ZNF28: variants seen among roughly 807,000 people sequenced by gnomAD.
ZNF28 encodes the protein zinc finger protein KOX24.
In ZNF28, 5 loss-of-function variants were observed where a neutral mutation model predicts 7.2. That is an observed-to-expected ratio of 0.70 (90% CI 0.36 to 1.46). The LOEUF (loss-of-function observed/expected upper bound fraction) is 1.46. Ranked by LOEUF, ZNF28 falls within the 40% of genes most tolerant of loss-of-function variation. ZNF28 has a pLI of 0.03. For missense variants in ZNF28, 879 were observed against 866.6 expected, an observed-to-expected ratio of 1.01 and a Z score of -0.18; for synonymous variants, 288 against 292.4, an observed-to-expected ratio of 0.99 and a Z score of 0.15.
chr19:52,815,563 G>A (rs1475518984), intron 2 of ZNF28, among the ~76,000 whole-genome samples: 3 of 145,954 alleles, frequency 2.1e-5, no homozygotes, highest in Non-Finnish European at 4.4e-5. Flanking sequence ...GGTGGCTCAC[G>A]CCTGTAATCC....
At chr19:52,810,071 A>T in intron 2 of ZNF28, 1 of 751,102 alleles carries the variant, frequency 1.3e-6, no homozygotes, top group Non-Finnish European at 2.4e-6. Flanking sequence ...GAGCTCCAGG[A>T]CCTGGGCCTC....
chr19:52,813,803 GT>G (rs2063087193), intron 2 of ZNF28, among the ~76,000 whole-genome samples: 1 of 146,568 alleles, frequency 6.8e-6, no homozygotes, highest in Admixed American at 6.8e-5. Context: ...GCACTACCTT[GT>G]TTTGGGGGGT....
chr19:52,808,419 A>T (rs1467379624), intron 2 of ZNF28, among the ~76,000 whole-genome samples: 2 of 152,220 alleles, frequency 1.3e-5, no homozygotes, highest in Non-Finnish European at 2.9e-5. Flanking sequence ...ACACCAAGTG[A>T]CATTCATTAT....
intron 2 of ZNF28, among the ~76,000 whole-genome samples, chr19:52,808,777 C>A (rs1053296250): frequency 2.0e-5 from 3 of 152,066 alleles, no homozygotes; most frequent in African/African-American, 7.2e-5. Flanking sequence ...CCCACCAGGG[C>A]ACTCAAGCCT....
chr19:52,809,490 G>A (rs1173005469), intron 2 of ZNF28, among the ~76,000 whole-genome samples: 5 of 152,166 alleles, frequency 3.3e-5, no homozygotes, highest in Non-Finnish European at 5.9e-5. Context: ...GTGGAGGGTG[G>A]GAGGAAGGAG....
chr19:52,808,948 CAGATTTTCAAAATATAAA>C (rs1392842472), intron 2 of ZNF28, among the ~76,000 whole-genome samples: 3 of 152,022 alleles, frequency 2.0e-5, no homozygotes, highest in African/African-American at 4.8e-5. Context: ...TCATTTGTCC[CAGATTTTCAAAATATAAA>C]AGATTTTCAA....
chr19:52,809,861 TGGGCCTGCGGGC>T, intron 2 of ZNF28: 1 of 649,800 alleles, frequency 1.5e-6, no homozygotes, highest in Non-Finnish European at 2.7e-6. Flanking sequence ...GCAGTAGCAC[TGGGCCTGCGGGC>T]GGTCCGGGAT....
intron 2 of ZNF28, chr19:52,810,734 G>GA (rs886240832): frequency 1.8e-6 from 1 of 557,784 alleles, no homozygotes; most frequent in Non-Finnish European, 3.1e-6. Context: ...GGAGAGAGAG[G>GA]AAAAAAAGAG....
chr19:52,801,079 G>T lies in ZNF28; in HGVS notation c.766C>A (p.Arg256=), dbSNP rs753728045. 7.4e-6 allele frequency: 12 copies of T among 1,614,078 alleles called. No individual in the cohort carries two copies. The highest frequency in any genetic ancestry group is 1.3e-5 in the African/African-American group (1 of 75,016). ...DVYGKVFNQK[R]YLACHRRSHI... ...GATCTACGATGGCATGCAAGGTATC[G>T]CTTCTGATTAAATACCTTGCCATAT... The change falls in exon 4 of 4, where the codon CGA becomes AGA. Residue 256 remains arginine (R), a synonymous_variant. Transcript: ENST00000457749.
At chr19:52,817,816 A>C (rs1225969511) in intron 2 of ZNF28, 128 bp downstream of exon 2, 11 of 1,553,350 alleles carry the variant, frequency 7.1e-6, no homozygotes, top group Non-Finnish European at 8.8e-6. Context: ...GAACTGAAGG[A>C]AGGCATGGGT....
At position 52,818,047 on chromosome 19, in the gene ZNF28, A is replaced by G; in HGVS notation, c.-73-16T>C. On this transcript the variant is annotated splice_polypyrimidine_tract_variant and intron_variant, in intron 1 of 3. Transcript: ENST00000457749. The stretch of plus-strand genomic sequence containing the variant: ...GAAGTCAATCCTGAATGTTAAAAAT[A>G]TGTTGTTTATTGCTCAGAATCAACA... 6.3e-7 allele frequency: 1 copy of G among 1,590,098 alleles called. No homozygotes were observed. Among genetic ancestry groups the G allele is most frequent in the East Asian group, 2.2e-5 (1 of 44,728 alleles).
intron 2 of ZNF28, chr19:52,809,878 C>T (rs538179337): frequency 3.9e-5 from 28 of 725,974 alleles, no homozygotes; most frequent in Admixed American, 1.4e-4. Flanking sequence ...GCGGGCGGTC[C>T]GGGATCCAGG....
Position 52,810,734 on chromosome 19 carries a change from GAA to G in ZNF28, c.16-2603_16-2602del, listed in dbSNP as rs886240832. On this transcript the variant is annotated intron_variant, in intron 2 of 3. Transcript: ENST00000457749. ...AAAAAATGTGTATTAGGAGAGAGAGGAAAAAAAGAGGAAAGAAGGGGAAAAAA... is the reference window on the plus strand; with the variant it reads ...AAAAAATGTGTATTAGGAGAGAGAGGAAAAAGAGGAAAGAAGGGGAAAAAA... 7.2e-6 allele frequency: 4 copies of G among 557,736 alleles called. No homozygotes were observed. In the African/African-American group the frequency reaches 7.2e-5, roughly 10 times the overall value. The allele number at this position is 557,736 out of a possible 1,614,324, so 34.5% of individuals were successfully genotyped here.
chr19:52,811,279 A>G (rs1304985377), intron 2 of ZNF28, among the ~76,000 whole-genome samples: 2 of 151,362 alleles, frequency 1.3e-5, no homozygotes, highest in East Asian at 3.9e-4. Flanking sequence ...TGGCCTCCCA[A>G]AGAGCCGAGA....
rs34599433 is a variant in ZNF28, at chr19:52,798,623, ATCC to A, written c.*1062_*1064del. 0.44 allele frequency: 198,004 copies of A among 448,318 alleles called. 49,187 individuals are homozygous for A. Among genetic ancestry groups the A allele is most frequent in the Non-Finnish European group, 0.55 (122,160 of 220,154 alleles). The allele number at this position is 448,318 out of a possible 1,614,324, so 27.8% of individuals were successfully genotyped here. On this transcript the variant is annotated 3_prime_UTR_variant, in exon 4 of 4. Coordinates refer to ENST00000457749, the MANE Select transcript of ZNF28 (RefSeq NM_006969.5). ...ACTTGTGAGTTTCTCTCCTGTATGAATCCTCCTATGTTTTGCATAGGATGAAAC... is the reference window on the plus strand; with the variant it reads ...ACTTGTGAGTTTCTCTCCTGTATGAATCCTATGTTTTGCATAGGATGAAAC...
intron 3 of ZNF28, among the ~76,000 whole-genome samples, chr19:52,804,595 T>G (rs1037240060): frequency 1.3e-5 from 2 of 152,194 alleles, no homozygotes; most frequent in Non-Finnish European, 2.9e-5. Context: ...TGTCTCAAAC[T>G]CGTGACCTCA....
intron 2 of ZNF28, among the ~76,000 whole-genome samples, chr19:52,815,330 A>C (rs2147677249): frequency 6.9e-6 from 1 of 144,048 alleles, no homozygotes; most frequent in South Asian, 2.4e-4. Context: ...AGCCTGGCCA[A>C]CATGGTGAAA....
chr19:52,819,354 G>C lies in ZNF28; in HGVS notation c.-73-1323C>G, dbSNP rs188199747. On this transcript the variant is annotated intron_variant, in intron 1 of 3. Coordinates refer to ENST00000457749, the MANE Select transcript of ZNF28 (RefSeq NM_006969.5). ...ATACAGACAAAGTCCTCCGAAGATG[G>C]TCTCTCTTTCTGAGTCTACCACTCT... Among the ~76,000 whole-genome samples the C allele has an allele frequency of 3.9e-3, 566 of 145,626 alleles. 76 individuals carry two copies. Among genetic ancestry groups the C allele is most frequent in the African/African-American group, 0.014 (536 of 37,636 alleles).
At chr19:52,811,652 C>T (rs935161753) in intron 2 of ZNF28, among the ~76,000 whole-genome samples, 1 of 148,006 alleles carries the variant, frequency 6.8e-6, no homozygotes, top group Admixed American at 6.6e-5. Context: ...AACCCTCTGC[C>T]TGGCAACCGC....
Sources: allele counts gnomAD v4.1 joint callset (sites outside exome capture counted in the v4.1 genomes callset), GRCh38; gene constraint gnomAD v4.1.1; transcripts MANE v1.5; gene names NCBI Gene and HGNC (gene_info 2026-07-23, HGNC 2026-07-21).